The following DACH2 variants were observed in gnomAD, a reference collection of about 807,000 sequenced individuals.
The protein encoded by DACH2 is dachshund family transcription factor 2.
In DACH2, 17 loss-of-function variants were observed where a neutral mutation model predicts 35.8. The ratio of observed to expected loss-of-function variants is 0.48; its 90% CI spans 0.33 to 0.71. The LOEUF (loss-of-function observed/expected upper bound fraction) is 0.71. DACH2 is among the 30% of genes least tolerant of loss of function. DACH2 has a pLI of 0.02. For missense variants in DACH2, 469 were observed against 472.7 expected (o/e 0.99, Z 0.07); for synonymous variants, 195 against 177.3 (o/e 1.10, Z -0.79).
intron 1 of DACH2, among the ~76,000 whole-genome samples, chrX:86,158,589 C>T (rs754550916): frequency 1.8e-4 from 20 of 109,605 alleles, no homozygotes; most frequent in Admixed American, 3.0e-4. Flanking sequence ...TGGTGCCAGG[C>T]AGTGGTCTAG....
intron 3 of DACH2, among the ~76,000 whole-genome samples, chrX:86,555,538 A>G (rs1361101209): frequency 1.8e-5 from 2 of 111,740 alleles, no homozygotes; most frequent in African/African-American, 6.5e-5. Flanking sequence ...AGATCATGTC[A>G]TAAAAATGTA....
intron 2 of DACH2, among the ~76,000 whole-genome samples, chrX:86,395,887 C>T (rs1263097081): frequency 9.0e-6 from 1 of 111,413 alleles, no homozygotes; most frequent in Non-Finnish European, 1.9e-5. Context: ...ATTTATAATC[C>T]TTTGGGTATA....
At chrX:86,346,288 AT>A (rs5902904) in intron 1 of DACH2, among the ~76,000 whole-genome samples, 5,984 of 102,460 alleles carry the variant, frequency 0.058, 430 homozygotes, top group African/African-American at 0.2. Flanking sequence ...TATGGGATAC[AT>A]TTTTTTTTTT....
chrX:86,371,359 T>C (rs1454257387), intron 1 of DACH2, among the ~76,000 whole-genome samples: 1 of 110,941 alleles, frequency 9.0e-6, no homozygotes, highest in Non-Finnish European at 1.9e-5. Flanking sequence ...GCATCAAAAT[T>C]TATCAGAAGC....
At chrX:86,258,589 G>C (rs1371308711) in intron 1 of DACH2, among the ~76,000 whole-genome samples, 7 of 111,208 alleles carry the variant, frequency 6.3e-5, no homozygotes, top group Admixed American at 9.6e-5. Context: ...TTTTAAATCT[G>C]GTATCTTAAT....
intron 1 of DACH2, among the ~76,000 whole-genome samples, chrX:86,290,845 G>A (rs2034271835): frequency 9.7e-6 from 1 of 103,081 alleles, no homozygotes; most frequent in Non-Finnish European, 2.0e-5. Context: ...ATAGTTTGAA[G>A]TCAGGTAGTG....
At chrX:86,496,523 C>A (rs1283131467) in intron 2 of DACH2, among the ~76,000 whole-genome samples, 2 of 110,097 alleles carry the variant, frequency 1.8e-5, no homozygotes, top group Admixed American at 9.8e-5. Context: ...TAATTCTACC[C>A]ATGTAATTGC....
At position 86,419,038 on chromosome X, in the gene DACH2, T is replaced by A. The variant is rs187496846; in HGVS notation, c.527+42176T>A. 2.4e-4 allele frequency among the ~76,000 whole-genome samples: 27 copies of A among 111,652 alleles called. No individual in the cohort carries two copies. The East Asian group carries it at 6.9e-3, about 28-fold the overall frequency. ...TTGCCTTTGCTCCAGTTCCCAGCAA[T>A]TTTTTTATCTTCATCTGAGTCCACC... On this transcript the variant is annotated intron_variant, in intron 2 of 11. Transcript: ENST00000373125.
At chrX:86,795,401 T>G (rs1461534610) in intron 7 of DACH2, among the ~76,000 whole-genome samples, 1 of 108,159 alleles carries the variant, frequency 9.2e-6, no homozygotes, top group Non-Finnish European at 1.9e-5. Context: ...GCCCGGCCGA[T>G]TTTTTGTATT....
chrX:86,166,226 G>T (rs1244182452), intron 1 of DACH2, among the ~76,000 whole-genome samples: 1 of 111,044 alleles, frequency 9.0e-6, no homozygotes, highest in Admixed American at 9.6e-5. Flanking sequence ...TGCTGTTTTG[G>T]TTCCTTATAG....
intron 2 of DACH2, among the ~76,000 whole-genome samples, chrX:86,460,640 GA>G (rs1243354834): frequency 9.1e-6 from 1 of 110,175 alleles, no homozygotes; most frequent in Non-Finnish European, 1.9e-5. Flanking sequence ...TTCATTACTG[GA>G]ATGTATTCTC....
intron 3 of DACH2, among the ~76,000 whole-genome samples, chrX:86,552,126 G>A (rs764690566): frequency 9.0e-6 from 1 of 111,622 alleles, no homozygotes; most frequent in Admixed American, 9.6e-5. Context: ...GGTTTCACAT[G>A]TATGGAAAGG....
Position 86,504,150 on chromosome X carries a change from C to T in DACH2, c.528-10129C>T, listed in dbSNP as rs775465519. On this transcript the variant is annotated intron_variant, in intron 2 of 11. Transcript: ENST00000373125. ...GAAGGATTTTAGAGAGAGGAGCTGC[C>T]AATTCCTCATAATTCTTTGAGTCAA... 7.3e-5 allele frequency among the ~76,000 whole-genome samples: 8 copies of T among 110,076 alleles called. No homozygotes were observed. In the East Asian group the frequency reaches 2.3e-3, roughly 32 times the overall value.
At chrX:86,512,449 C>T (rs1163294115) in intron 2 of DACH2, among the ~76,000 whole-genome samples, 1 of 111,377 alleles carries the variant, frequency 9.0e-6, no homozygotes, top group Non-Finnish European at 1.9e-5. Context: ...ACTAGTTAAA[C>T]CTTATGGCTT....
At chrX:86,648,062 C>A (rs759990507) in intron 3 of DACH2, among the ~76,000 whole-genome samples, 2 of 110,608 alleles carry the variant, frequency 1.8e-5, no homozygotes, top group East Asian at 2.8e-4. Context: ...TCGGTAAGTG[C>A]AAAATGTGAA....
In DACH2 at chrX:86,751,248, C is replaced by T. The variant is rs73228630; in HGVS notation, c.1240+11366C>T. On this transcript the variant is annotated intron_variant, in intron 7 of 11. Transcript: ENST00000373125. ...TTAACAAAATACTGGCAAACTGAAT[C>T]CAGCAGCATATTAAAAAGCTACTCC... 7.9e-3 allele frequency among the ~76,000 whole-genome samples: 875 copies of T among 110,773 alleles called. 5 individuals are homozygous for T. The highest frequency in any genetic ancestry group is 0.013 in the Non-Finnish European group (704 of 52,810).
chrX:86,324,232 G>T (rs186001439), intron 1 of DACH2, among the ~76,000 whole-genome samples: 143 of 111,847 alleles, frequency 1.3e-3, no homozygotes, highest in African/African-American at 4.0e-3. Context: ...AAGAGCAAGA[G>T]AACTAGATTT....
At chrX:86,683,768 A>T (rs751577836) in intron 4 of DACH2, among the ~76,000 whole-genome samples, 2 of 111,508 alleles carry the variant, frequency 1.8e-5, no homozygotes, top group Non-Finnish European at 3.8e-5. Flanking sequence ...ATATGTCTAG[A>T]TATTGTATTG....
At chrX:86,265,697 T>G (rs1380030243) in intron 1 of DACH2, among the ~76,000 whole-genome samples, 1 of 111,749 alleles carries the variant, frequency 8.9e-6, no homozygotes, top group Non-Finnish European at 1.9e-5. Flanking sequence ...ATTCCACAGA[T>G]TCTGAGATCA....
Sources: allele counts gnomAD v4.1 joint callset (sites outside exome capture counted in the v4.1 genomes callset), GRCh38; gene constraint gnomAD v4.1.1; transcripts MANE v1.5; gene names NCBI Gene and HGNC (gene_info 2026-07-23, HGNC 2026-07-21).